Variants in TAB1 observed in about 807,000 individuals in gnomAD.
TAB1 encodes the protein TGF-beta activated kinase 1 (MAP3K7) binding protein 1, also known as TGF-beta-activated kinase 1 and MAP3K7-binding protein 1.
In TAB1, 30 loss-of-function variants were observed where a neutral mutation model predicts 54.5. The ratio of observed to expected loss-of-function variants is 0.55; its 90% confidence interval spans 0.41 to 0.75. TAB1 has a LOEUF of 0.75. Among genes scored for constraint, TAB1 ranks in the 30% least tolerant of loss-of-function variants. TAB1 has a pLI of 0.00. For synonymous variants in TAB1, 289 were observed against 286.9 expected (o/e 1.01, Z -0.07); for missense variants, 609 against 683.2 (o/e 0.89, Z 1.21).
chr22:39,426,683 C>G lies in TAB1; in HGVS notation c.922-20C>G. 6.3e-7 allele frequency: 1 copy of G among 1,583,174 alleles called. No homozygotes were observed. The highest frequency in any genetic ancestry group is 8.6e-7 in the Non-Finnish European group (1 of 1,158,176). The stretch of plus-strand genomic sequence containing the variant: ...GCCGCACCTCGTTCCTTACCAGGTT[C>G]TTCCTACCCCCTCCCCCAGGAGATT... On this transcript the variant is annotated intron_variant, in intron 8 of 10. Transcript: ENST00000216160.
chr22:39,407,933 C>A (rs890254897), intron 1 of TAB1, among the ~76,000 whole-genome samples: 2 of 152,188 alleles, frequency 1.3e-5, no homozygotes. Flanking sequence ...TGGCCCTGAT[C>A]TTAATGAAGT....
At chr22:39,431,922 C>T (rs1927601022), downstream of TAB1, 1 of 975,854 alleles carries the variant, frequency 1.0e-6, no homozygotes, top group Admixed American at 6.2e-5. Context: ...CGCAGTGGCC[C>T]TGGGAAGTGG....
Position 39,430,159 on chromosome 22 carries a change from T to C in TAB1, c.1452T>C (p.Phe484=). The stretch of plus-strand genomic sequence containing the variant: ...GTCGTGTTGAGCCCTATGTGGACTT[T>C]GCTGAGTTTTACCGCCTCTGGAGCG... The part of the protein sequence containing the change: ...EDGRVEPYVD[F]AEFYRLWSVD... The change falls in exon 11 of 11, where the codon TTT becomes TTC. Residue 484 remains phenylalanine (F), a synonymous_variant. Transcript: ENST00000216160. The C allele has an allele frequency of 3.1e-6, 5 of 1,613,974 alleles. No individual in the cohort carries two copies. The highest frequency in any genetic ancestry group is 2.2e-5 in the South Asian group (2 of 91,088).
intron 3 of TAB1, among the ~76,000 whole-genome samples, chr22:39,416,209 C>T (rs1421668451): frequency 6.6e-6 from 1 of 152,202 alleles, no homozygotes; most frequent in Non-Finnish European, 1.5e-5. Flanking sequence ...CAGCCTTTTC[C>T]TGCCCTTCAC....
chr22:39,405,931 TACGTGAGAA>T (rs1926343032), intron 1 of TAB1, among the ~76,000 whole-genome samples: 1 of 152,178 alleles, frequency 6.6e-6, no homozygotes, highest in African/African-American at 2.4e-5. Context: ...GCGCCCGAAT[TACGTGAGAA>T]ACTGCCCATG....
intron 8 of TAB1, among the ~76,000 whole-genome samples, 157 bp downstream of exon 8, chr22:39,422,128 A>T (rs915797344): frequency 1.3e-5 from 2 of 151,966 alleles, no homozygotes; most frequent in Admixed American, 1.3e-4. Flanking sequence ...CTCTGAAAAC[A>T]CCCATCCCAC....
chr22:39,431,329 C>G lies in TAB1; in HGVS notation c.*1107C>G, dbSNP rs1369884709. On this transcript the variant is annotated 3_prime_UTR_variant, in exon 11 of 11. Transcript: ENST00000216160. Reference sequence around the variant, plus strand: ...AGGGCTGTCGGCCAGGATTGCCACTCCTGTTTCAGAGGAAGCAGGCCGAGA... The same window carrying G: ...AGGGCTGTCGGCCAGGATTGCCACTGCTGTTTCAGAGGAAGCAGGCCGAGA... 3 of 985,466 alleles carry G rather than the reference C, an allele frequency of 3.0e-6. No homozygotes were observed. The African/African-American group carries it at 5.2e-5, about 17-fold the overall frequency. The allele number at this position is 985,466 out of a possible 1,614,324, so 61.0% of individuals were successfully genotyped here.
rs367695461 is a variant in TAB1, at chr22:39,426,929, C to T, written c.1144+4C>T. On this transcript the variant is annotated splice_donor_region_variant and intron_variant, in intron 9 of 10. Transcript: ENST00000216160. ...CCCACACCGAGCCCAGCCCCAGGTA[C>T]GTGTGCTGTGCAGACAGGCAGTGCC... 1.1e-5 allele frequency: 18 copies of T among 1,609,770 alleles called. No individual in the cohort carries two copies. Among genetic ancestry groups the T allele is most frequent in the East Asian group, 6.7e-5 (3 of 44,880 alleles).
In TAB1 at chr22:39,406,255, C is replaced by T. The variant is rs34726807; in HGVS notation, c.33+6420C>T. Among the ~76,000 whole-genome samples, 498 of 152,086 alleles carry T rather than the reference C, an allele frequency of 3.3e-3. 4 individuals are homozygous for T. The highest frequency in any genetic ancestry group is 0.01 in the African/African-American group (431 of 41,510). On this transcript the variant is annotated intron_variant, in intron 1 of 10. Transcript: ENST00000216160. ...TCTACTAAAAATACAAAAAATTAGC[C>T]GGGCATGGTGGCACGCACCTGTAAT...
chr22:39,400,128 C>G (rs920366496), intron 1 of TAB1, among the ~76,000 whole-genome samples: 10 of 152,302 alleles, frequency 6.6e-5, no homozygotes, highest in Admixed American at 6.5e-4. Flanking sequence ...GGCAGCAGAG[C>G]TATCCGAGTC....
chr22:39,413,606 A>G lies in TAB1; in HGVS notation c.34-1400A>G, dbSNP rs573942171. On this transcript the variant is annotated intron_variant, in intron 1 of 10. Transcript: ENST00000216160. The stretch of plus-strand genomic sequence containing the variant: ...TAATTTTTTTGTGTTTTTAACAGAG[A>G]CAGAGATGGGGTTTCACCAGGTTGG... Among the ~76,000 whole-genome samples the G allele has an allele frequency of 6.6e-5, 10 of 152,222 alleles. No individual in the cohort carries two copies. In the South Asian group the frequency reaches 2.1e-3, roughly 32 times the overall value.
intron 1 of TAB1, among the ~76,000 whole-genome samples, chr22:39,409,046 A>C (rs1926499940): frequency 6.6e-6 from 1 of 152,190 alleles, no homozygotes; most frequent in Admixed American, 6.5e-5. Flanking sequence ...TGAGAGGATG[A>C]GTTCATCTTA....
At chr22:39,417,918 T>A in intron 5 of TAB1, 69 bp downstream of exon 5, 1 of 1,517,540 alleles carries the variant, frequency 6.6e-7, no homozygotes, top group Non-Finnish European at 8.8e-7. Context: ...GGTGCATTAT[T>A]TGACAATCTG....
chr22:39,423,739 A>G (rs1927193857), intron 8 of TAB1, among the ~76,000 whole-genome samples: 1 of 152,214 alleles, frequency 6.6e-6, no homozygotes, highest in Non-Finnish European at 1.5e-5. Flanking sequence ...CTGAGATCTT[A>G]GTAAACCAGT....
At position 39,415,031 on chromosome 22, in the gene TAB1, A is replaced by T; in HGVS notation, c.59A>T (p.Asp20Val). The T allele has an allele frequency of 6.2e-7, 1 of 1,613,688 alleles. No individual in the cohort carries two copies. ...QSEQQPSWTDDLPLCHLSGVG... is the reference protein window; with the variant it reads ...QSEQQPSWTDVLPLCHLSGVG... ...GAGCAGCAGCCAAGCTGGACAGATG[A>T]CCTGCCTCTCTGCCACCTCTCTGGG... The change falls in exon 2 of 11, where the codon GAC (aspartate) becomes GTC (valine). Residue 20 changes from aspartate to valine, a missense_variant. Transcript: ENST00000216160. The surrounding 1 kb of genome is among the most constrained non-coding windows in gnomAD (Gnocchi z 4.9).
downstream of TAB1, chr22:39,436,748 A>G: frequency 1.7e-6 from 1 of 603,170 alleles, no homozygotes; most frequent in South Asian, 2.0e-5. Flanking sequence ...TCCCTCACCT[A>G]GAATGGCCCA....
In TAB1 at chr22:39,422,686, C is replaced by T. The variant is rs146598912; in HGVS notation, c.921+715C>T. ...TGCTGGGATTACAGGCGTGAGCCAC[C>T]GCGCCCGGCAGTTCACTTCTCATTT... On this transcript the variant is annotated intron_variant, in intron 8 of 10. Coordinates refer to ENST00000216160, the MANE Select transcript of TAB1 (RefSeq NM_006116.3). Among the ~76,000 whole-genome samples, 267 of 152,158 alleles carry T rather than the reference C, an allele frequency of 1.8e-3. 6 individuals carry two copies. In the East Asian group the frequency reaches 0.043, roughly 24 times the overall value.
At chr22:39,408,239 G>C (rs1276242243) in intron 1 of TAB1, among the ~76,000 whole-genome samples, 1 of 152,220 alleles carries the variant, frequency 6.6e-6, no homozygotes, top group African/African-American at 2.4e-5. Context: ...TAATGAACAA[G>C]GCACGTGCTC....
rs1168591331 is a variant in TAB1 at position 39,427,940 on chromosome 22, G to A, written c.1145-81G>A. The A allele has an allele frequency of 2.2e-6, 3 of 1,374,152 alleles. No individual in the cohort carries two copies. In the Admixed American group the frequency reaches 6.2e-5, roughly 29 times the overall value. The allele number at this position is 1,374,152 out of a possible 1,614,324, so 85.1% of individuals were successfully genotyped here. Reference sequence around the variant, plus strand: ...TCAGCCCTCAGGCACCACCCCATCAGGCCATGGAGCAGCTATGCCCCTGCT... The same window carrying A: ...TCAGCCCTCAGGCACCACCCCATCAAGCCATGGAGCAGCTATGCCCCTGCT... On this transcript the variant is annotated intron_variant, in intron 9 of 10. Coordinates refer to ENST00000216160, the MANE Select transcript of TAB1 (RefSeq NM_006116.3).
Sources: gnomAD v4.1 joint callset for allele counts (sites outside exome capture counted in the v4.1 genomes callset) on GRCh38, gnomAD v4.1.1 for gene constraint, Gnocchi (gnomAD v3.1) non-coding constraint, MANE v1.5 for transcripts, NCBI Gene and HGNC (gene_info 2026-07-23, HGNC 2026-07-21) for gene names.